Variants in FANCL observed in about 807,000 individuals in gnomAD.
The protein encoded by FANCL is E3 ubiquitin-protein ligase FANCL.
FANCL carries 69 observed loss-of-function variants against 59.4 expected under a neutral mutation model. The observed-to-expected ratio is 1.16, with a 90% CI of 0.96 to 1.42. The LOEUF is 1.42. Among genes scored for constraint, FANCL ranks in the 40% most tolerant of loss-of-function variants. FANCL has a pLI of 0.00. For missense variants in FANCL, 519 were observed against 447.2 expected (o/e 1.16, Z -1.45); for synonymous variants, 180 against 147.1 (o/e 1.22, Z -1.62).
chr2:58,185,563 T>C (rs1364417006), intron 7 of FANCL, among the ~76,000 whole-genome samples: 1 of 152,198 alleles, frequency 6.6e-6, no homozygotes, highest in African/African-American at 2.4e-5. Context: ...CTTATAACAC[T>C]GAAGCACCAT....
intron 7 of FANCL, among the ~76,000 whole-genome samples, chr2:58,168,317 G>T (rs186492083): frequency 1.6e-3 from 247 of 152,228 alleles, no homozygotes; most frequent in African/African-American, 5.8e-3. Flanking sequence ...AAGCAGGGTG[G>T]GCTATCACCT....
chr2:58,212,848 G>A (rs757023833), intron 5 of FANCL, among the ~76,000 whole-genome samples: 2 of 152,090 alleles, frequency 1.3e-5, no homozygotes, highest in Non-Finnish European at 2.9e-5. Flanking sequence ...AATAAGAACA[G>A]AAATTATAAC....
intron 6 of FANCL, among the ~76,000 whole-genome samples, chr2:58,201,081 T>C (rs1346034375): frequency 6.6e-6 from 1 of 150,726 alleles, no homozygotes; most frequent in Non-Finnish European, 1.5e-5. Context: ...TAGATATTCA[T>C]TTTCAGAATA....
intron 11 of FANCL, among the ~76,000 whole-genome samples, chr2:58,162,268 G>T (rs1379773537): frequency 1.3e-5 from 2 of 151,850 alleles, no homozygotes; most frequent in Non-Finnish European, 2.9e-5. Context: ...TCAATTTTGA[G>T]AAACTATAAC....
intron 7 of FANCL, among the ~76,000 whole-genome samples, chr2:58,177,449 C>G (rs577972812): frequency 1.9e-4 from 29 of 151,828 alleles, no homozygotes; most frequent in Admixed American, 9.2e-4. Context: ...TACTATGCAG[C>G]CATAAAAAAG....
chr2:58,169,884 C>T (rs935730300), intron 7 of FANCL, among the ~76,000 whole-genome samples: 1 of 152,050 alleles, frequency 6.6e-6, no homozygotes, highest in African/African-American at 2.4e-5. Context: ...AACAAAGCCT[C>T]CAAGAAATAT....
chr2:58,221,921 C>T (rs1222289229), intron 5 of FANCL, 21 bp downstream of exon 5: 5 of 1,496,622 alleles, frequency 3.3e-6, no homozygotes, highest in African/African-American at 1.4e-5. Flanking sequence ...GCATTTAAAA[C>T]ATATTTTAAA....
chr2:58,220,058 CAT>C (rs1175342657), intron 5 of FANCL, among the ~76,000 whole-genome samples: 1 of 152,128 alleles, frequency 6.6e-6, no homozygotes, highest in South Asian at 2.1e-4. Flanking sequence ...ACTGAGAAAA[CAT>C]ATAAAATAAG....
chr2:58,201,217 A>G (rs1689983016), intron 6 of FANCL, among the ~76,000 whole-genome samples: 1 of 151,720 alleles, frequency 6.6e-6, no homozygotes, highest in Non-Finnish European at 1.5e-5. Flanking sequence ...ACCACTGACA[A>G]CTAATTGTCA....
intron 7 of FANCL, among the ~76,000 whole-genome samples, chr2:58,168,258 C>T (rs1279941607): frequency 6.6e-6 from 1 of 152,114 alleles, no homozygotes. Flanking sequence ...ACCGGCTCAC[C>T]TCATTGGGAC....
chr2:58,165,929 A>T, intron 7 of FANCL, 55 bp from the exon 8 acceptor site: 1 of 1,556,872 alleles, frequency 6.4e-7, no homozygotes, highest in Non-Finnish European at 8.9e-7. Context: ...AATAGCAGAT[A>T]ATCTTTTACT....
At chr2:58,179,955 A>G (rs558471821) in intron 7 of FANCL, among the ~76,000 whole-genome samples, 9 of 152,354 alleles carry the variant, frequency 5.9e-5, no homozygotes, top group African/African-American at 2.2e-4. Context: ...TATGCGGCCA[A>G]CAAACATATG....
chr2:58,197,411 C>T (rs1285506447), intron 7 of FANCL, among the ~76,000 whole-genome samples: 1 of 152,010 alleles, frequency 6.6e-6, no homozygotes, highest in South Asian at 2.1e-4. Flanking sequence ...TAAAATGTCA[C>T]TAGAAATGTT....
chr2:58,220,267 A>G (rs1692338392), intron 5 of FANCL, among the ~76,000 whole-genome samples: 2 of 152,244 alleles, frequency 1.3e-5, no homozygotes, highest in African/African-American at 4.8e-5. Context: ...GGTAAGGTAA[A>G]GAAGTATTCA....
chr2:58,186,043 T>C (rs1688370861), intron 7 of FANCL, among the ~76,000 whole-genome samples: 1 of 152,016 alleles, frequency 6.6e-6, no homozygotes, highest in South Asian at 2.1e-4. Flanking sequence ...TCACAGAAAA[T>C]TTTTCAAATA....
chr2:58,205,163 A>G (rs936573709), intron 5 of FANCL, among the ~76,000 whole-genome samples: 3 of 150,526 alleles, frequency 2.0e-5, no homozygotes, highest in African/African-American at 5.0e-5. Flanking sequence ...CTTAGGAAAT[A>G]TATTTTTTAA....
intron 1 of FANCL, 95 bp from the exon 2 acceptor site, chr2:58,232,207 T>G: frequency 9.6e-7 from 1 of 1,037,144 alleles, no homozygotes; most frequent in South Asian, 1.3e-5. Context: ...AATGTTTTCC[T>G]TTATTTTCTA....
At chr2:58,197,962 A>C (rs1185455388) in intron 7 of FANCL, among the ~76,000 whole-genome samples, 1 of 152,110 alleles carries the variant, frequency 6.6e-6, no homozygotes, top group Non-Finnish European at 1.5e-5. Context: ...ATTTAAAGGA[A>C]AATGTCTGTC....
rs1379809517 is a variant in FANCL, at chr2:58,175,436, A to G, written c.541-9562T>C. 1.3e-5 allele frequency among the ~76,000 whole-genome samples: 2 copies of G among 151,384 alleles called. 1 individual carries two copies. The highest frequency in any genetic ancestry group is 4.9e-5 in the African/African-American group (2 of 40,626). On this transcript the variant is annotated intron_variant, in intron 7 of 13. Coordinates refer to ENST00000233741, the MANE Select transcript of FANCL (RefSeq NM_018062.4). ...CAGCACATCAAAAACGTTATCCACC[A>G]TGATCAAGTGGGCTTCATCCCTGGG...
Sources: gnomAD v4.1 joint callset for allele counts (sites outside exome capture counted in the v4.1 genomes callset) on GRCh38, gnomAD v4.1.1 for gene constraint, MANE v1.5 for transcripts, NCBI Gene and HGNC (gene_info 2026-07-23, HGNC 2026-07-21) for gene names.